The following CSMD3 variants were observed in gnomAD, a reference collection of about 807,000 sequenced individuals.
CSMD3 encodes CUB and sushi domain-containing protein 3.
In CSMD3, 177 loss-of-function variants were observed where a neutral mutation model predicts 435.2. The ratio of observed to expected loss-of-function variants is 0.41; its 90% CI spans 0.36 to 0.46. CSMD3 has a LOEUF of 0.46. CSMD3 is among the 20% of genes least tolerant of loss of function. CSMD3 has a pLI of 0.34. For missense variants in CSMD3, 4,265 were observed against 4,504.6 expected (o/e 0.95, Z 1.52); for synonymous variants, 1,656 against 1,520.5 (o/e 1.09, Z -2.07).
At chr8:112,896,432 C>T (rs1034017565) in intron 10 of CSMD3, among the ~76,000 whole-genome samples, 22 of 151,388 alleles carry the variant, frequency 1.5e-4, no homozygotes, top group Non-Finnish European at 2.8e-4. Flanking sequence ...GCTTAGACTA[C>T]CAAGTTTTGA....
At position 112,314,458 on chromosome 8, in the gene CSMD3, T is replaced by C. The variant is rs181554225; in HGVS notation, c.7520A>G (p.Lys2507Arg). 8.3e-5 allele frequency: 133 copies of C among 1,611,694 alleles called. 2 individuals carry two copies. The highest frequency in any genetic ancestry group is 7.6e-4 in the South Asian group (69 of 91,032). ...TMFVEFFQTE[K>R]EFDVLQVYDG... ...ATACACCTGAAGAACATCAAATTCCTTTTCTGTCTGGAAGAATTCTACAAA... is the reference window on the plus strand; with the variant it reads ...ATACACCTGAAGAACATCAAATTCCCTTTCTGTCTGGAAGAATTCTACAAA... The change falls in exon 48 of 71, where the codon AAG becomes AGG. Residue 2507 changes from lysine (K) to arginine (R), a missense_variant. Physicochemically the swap from Lys to Arg is conservative, Grantham distance 26. Around this residue, in one of 3 missense-constraint regions of CSMD3, gnomAD observed 3,255 missense variants for 3,380.2 expected, o/e 0.96. Coordinates refer to ENST00000297405, the MANE Select transcript of CSMD3 (RefSeq NM_198123.2).
chr8:112,990,515 G>C (rs941645649), intron 6 of CSMD3, among the ~76,000 whole-genome samples: 2 of 151,772 alleles, frequency 1.3e-5, no homozygotes, highest in Non-Finnish European at 2.9e-5. Flanking sequence ...TTAATAAACA[G>C]AGGCTTTGTG....
At chr8:112,788,247 G>T (rs1266550263) in intron 13 of CSMD3, among the ~76,000 whole-genome samples, 1 of 152,070 alleles carries the variant, frequency 6.6e-6, no homozygotes, top group African/African-American at 2.4e-5. Context: ...GCCTGCATTG[G>T]AGAAATGGAC....
intron 42 of CSMD3, among the ~76,000 whole-genome samples, chr8:112,339,238 G>T (rs1487006379): frequency 6.6e-6 from 1 of 151,730 alleles, no homozygotes; most frequent in Non-Finnish European, 1.5e-5. Flanking sequence ...GCCTCTGATT[G>T]GTTGCAAAAA....
chr8:113,061,355 T>C (rs1402395980), intron 5 of CSMD3, among the ~76,000 whole-genome samples: 1 of 152,064 alleles, frequency 6.6e-6, no homozygotes, highest in Non-Finnish European at 1.5e-5. Flanking sequence ...ATTGTCCACA[T>C]GAATACTAGA....
intron 1 of CSMD3, among the ~76,000 whole-genome samples, chr8:113,365,788 TTC>T (rs2094307493): frequency 6.6e-6 from 1 of 152,028 alleles, no homozygotes; most frequent in Non-Finnish European, 1.5e-5. Context: ...GAGAGTGTCG[TTC>T]TGTTATAATC....
chr8:112,646,454 A>G (rs2074982947), intron 19 of CSMD3, among the ~76,000 whole-genome samples: 1 of 152,124 alleles, frequency 6.6e-6, no homozygotes, highest in Admixed American at 6.5e-5. Context: ...TTTTCTGTAT[A>G]TCAGTATTCT....
At chr8:113,274,561 C>T (rs866069367) in intron 3 of CSMD3, among the ~76,000 whole-genome samples, 2 of 152,106 alleles carry the variant, frequency 1.3e-5, no homozygotes, top group East Asian at 3.9e-4. Context: ...ATTACAGATA[C>T]CTATTGGTCT....
At chr8:113,291,240 A>G (rs1047517802) in intron 2 of CSMD3, among the ~76,000 whole-genome samples, 2 of 151,704 alleles carry the variant, frequency 1.3e-5, no homozygotes, top group Non-Finnish European at 3.0e-5. Context: ...ATCTGTTTTA[A>G]ACATAAAAGT....
chr8:113,189,493 GAATT>G (rs2092554568), intron 3 of CSMD3, among the ~76,000 whole-genome samples: 1 of 151,672 alleles, frequency 6.6e-6, no homozygotes, highest in Non-Finnish European at 1.5e-5. Flanking sequence ...ATTTAAGTGA[GAATT>G]AAGTATTACT....
chr8:113,145,202 G>C (rs776989882), intron 4 of CSMD3, among the ~76,000 whole-genome samples: 1 of 151,512 alleles, frequency 6.6e-6, no homozygotes, highest in East Asian at 2.0e-4. Flanking sequence ...AGGATCTGCA[G>C]ACCATGTAGA....
intron 4 of CSMD3, among the ~76,000 whole-genome samples, chr8:113,168,126 C>T (rs2092189474): frequency 2.0e-5 from 3 of 152,092 alleles, no homozygotes; most frequent in African/African-American, 7.2e-5. Context: ...ACGCTACTCT[C>T]TCTGTGATTC....
At chr8:112,559,700 A>G (rs1828441657) in intron 24 of CSMD3, among the ~76,000 whole-genome samples, 1 of 151,934 alleles carries the variant, frequency 6.6e-6, no homozygotes, top group South Asian at 2.1e-4. Flanking sequence ...GGAAAAGGAC[A>G]CTTCAAAAGA....
Position 113,001,604 on chromosome 8 carries a change from A to G in CSMD3, c.1030+17463T>C, listed in dbSNP as rs188452126. Reference sequence around the variant, plus strand: ...TCCAGCCCCTTCCATTTTTTCCTTTATAGCAGGTTTTCAAATGTAAGATTC... The same window carrying G: ...TCCAGCCCCTTCCATTTTTTCCTTTGTAGCAGGTTTTCAAATGTAAGATTC... On this transcript the variant is annotated intron_variant, in intron 6 of 70. Coordinates refer to ENST00000297405, the MANE Select transcript of CSMD3 (RefSeq NM_198123.2). Among the ~76,000 whole-genome samples, 898 of 151,994 alleles carry G rather than the reference A, an allele frequency of 5.9e-3. 4 individuals carry two copies. The highest frequency in any genetic ancestry group is 0.019 in the African/African-American group (799 of 41,466).
intron 12 of CSMD3, among the ~76,000 whole-genome samples, chr8:112,826,960 AT>A (rs1383615575): frequency 2.0e-5 from 3 of 151,810 alleles, no homozygotes; most frequent in Non-Finnish European, 2.9e-5. Flanking sequence ...GTACATCAGA[AT>A]TCATGATTGT....
chr8:113,089,082 G>T (rs548429014), intron 5 of CSMD3, among the ~76,000 whole-genome samples: 1 of 152,002 alleles, frequency 6.6e-6, no homozygotes, highest in African/African-American at 2.4e-5. Flanking sequence ...ATGTAGCCCA[G>T]GCTGGAGTAC....
At chr8:112,983,454 C>T (rs1443633784) in intron 6 of CSMD3, among the ~76,000 whole-genome samples, 1 of 151,156 alleles carries the variant, frequency 6.6e-6, no homozygotes, top group Non-Finnish European at 1.5e-5. Context: ...ACATCTTTCT[C>T]TCTGTGTACC....
intron 41 of CSMD3, among the ~76,000 whole-genome samples, chr8:112,343,592 C>T (rs1298670898): frequency 2.0e-5 from 3 of 152,162 alleles, no homozygotes; most frequent in Non-Finnish European, 4.4e-5. Context: ...TTCACACGTC[C>T]TGCAGCAGAC....
At chr8:112,949,199 G>C (rs1240629531) in intron 8 of CSMD3, among the ~76,000 whole-genome samples, 1 of 151,982 alleles carries the variant, frequency 6.6e-6, no homozygotes, top group East Asian at 1.9e-4. Context: ...TCAGACGACT[G>C]CCCAACAGTT....
Sources: gnomAD v4.1 joint callset for allele counts (sites outside exome capture counted in the v4.1 genomes callset) on GRCh38, gnomAD v4.1.1 for gene constraint, gnomAD v4.1.1 regional missense constraint, MANE v1.5 for transcripts, NCBI Gene and HGNC (gene_info 2026-07-23, HGNC 2026-07-21) for gene names.